KDELR3: variants seen among roughly 807,000 people sequenced by gnomAD.
KDELR3 encodes the protein KDEL endoplasmic reticulum protein retention receptor 3.
In KDELR3, 26 loss-of-function variants were observed where a neutral mutation model predicts 22.7. The ratio of observed to expected loss-of-function variants is 1.15; its 90% CI spans 0.84 to 1.59. KDELR3 has a LOEUF of 1.59. Ranked by LOEUF, KDELR3 falls within the 40% of genes most tolerant of loss-of-function variation. The pLI, the probability that KDELR3 is intolerant of heterozygous loss-of-function variation, is 0.00. For synonymous variants in KDELR3, 120 were observed against 98.2 expected, an observed-to-expected ratio of 1.22 and a Z score of -1.31; for missense variants, 289 against 251.1, an observed-to-expected ratio of 1.15 and a Z score of -1.02.
At chr22:38,468,835 G>A (rs374339920) in intron 1 of KDELR3, among the ~76,000 whole-genome samples, 28 of 152,350 alleles carry the variant, frequency 1.8e-4, no homozygotes, top group South Asian at 4.1e-4. Flanking sequence ...GGGCTCAGGC[G>A]GGTATGGAGC....
chr22:38,469,254 T>C (rs1336934223), intron 1 of KDELR3, among the ~76,000 whole-genome samples: 1 of 151,530 alleles, frequency 6.6e-6, no homozygotes, highest in Non-Finnish European at 1.5e-5. Context: ...CCGGGAAGGG[T>C]GGGCAGCCAG....
Position 38,468,306 on chromosome 22 carries a change from A to G in KDELR3, c.73A>G (p.Arg25Gly), listed in dbSNP as rs750481128. 12 of 1,613,562 alleles carry G rather than the reference A, an allele frequency of 7.4e-6. No individual in the cohort carries two copies. Among genetic ancestry groups the G allele is most frequent in the Non-Finnish European group, 1.0e-5 (12 of 1,179,866 alleles). Reference protein sequence around the residue: ...AMILLLGKIWRSKCCKGISGK... With the variant: ...AMILLLGKIWGSKCCKGISGK... ...GATCTTGCTGCTGGGGAAGATCTGG[A>G]GGTCCAAGTGCTGCAAGGGTGAGGG... Residue 25 changes from arginine to glycine, a missense_variant, in exon 1 of 5, where the codon AGG becomes GGG. By Grantham distance (125) the Arg-to-Gly change is moderately radical. Coordinates refer to ENST00000216014, the MANE Select transcript of KDELR3 (RefSeq NM_006855.4).
In KDELR3 at chr22:38,482,557, C is replaced by T. The variant is rs746512476; in HGVS notation, c.*21C>T. The T allele has an allele frequency of 3.3e-5, 53 of 1,598,806 alleles. No homozygotes were observed. Among genetic ancestry groups the T allele is most frequent in the Admixed American group, 1.2e-4 (7 of 59,914 alleles). On this transcript the variant is annotated 3_prime_UTR_variant, in exon 5 of 5. Coordinates refer to ENST00000216014, the MANE Select transcript of KDELR3 (RefSeq NM_006855.4). ...TCTGAGGACCTTCAGAGACAGTCTACGCCTTAACAAGCACATGAAGGAAAC... is the reference window on the plus strand; with the variant it reads ...TCTGAGGACCTTCAGAGACAGTCTATGCCTTAACAAGCACATGAAGGAAAC...
At chr22:38,476,020 C>T (rs961276065) in intron 2 of KDELR3, among the ~76,000 whole-genome samples, 1 of 152,024 alleles carries the variant, frequency 6.6e-6, no homozygotes, top group Non-Finnish European at 1.5e-5. Context: ...GCCTCAACTT[C>T]CCGGGCTGAA....
intron 3 of KDELR3, among the ~76,000 whole-genome samples, chr22:38,480,137 A>G (rs1253744278): frequency 6.6e-6 from 1 of 152,274 alleles, no homozygotes; most frequent in African/African-American, 2.4e-5. Context: ...GTTTATGGAC[A>G]TGACTAATTT....
chr22:38,475,079 CAAAAAA>C (rs1018109138), intron 2 of KDELR3, among the ~76,000 whole-genome samples: 2 of 20,458 alleles, frequency 9.8e-5, no homozygotes, highest in African/African-American at 2.7e-4. Context: ...GACTCTGTCT[CAAAAAA>C]AAAAAAAAAA....
rs1337088503 is a variant in KDELR3 at position 38,479,633 on chromosome 22, T to C, written c.233T>C (p.Ile78Thr). 1 of 1,614,010 alleles carries C rather than the reference T, an allele frequency of 6.2e-7. No individual in the cohort carries two copies. The highest frequency in any genetic ancestry group is 2.2e-5 in the East Asian group (1 of 44,888). Residue 78 changes from isoleucine (I) to threonine (T), a missense_variant, in exon 3 of 5, where the codon ATA (isoleucine) becomes ACA (threonine). Transcript: ENST00000216014. ...LLCAYVTVYM[I>T]YGKFRKTFDS... ...TGTGCCTATGTTACAGTGTACATGATATATGGGAAATTCCGTAAAACTTTT... is the reference window on the plus strand; with the variant it reads ...TGTGCCTATGTTACAGTGTACATGACATATGGGAAATTCCGTAAAACTTTT...
At chr22:38,473,305 T>C (rs925217007) in intron 1 of KDELR3, among the ~76,000 whole-genome samples, 2 of 152,010 alleles carry the variant, frequency 1.3e-5, no homozygotes, top group African/African-American at 2.4e-5. Flanking sequence ...GCCAGTCTGA[T>C]GGTTTGTGTC....
intron 4 of KDELR3, 120 bp downstream of exon 4, chr22:38,481,584 T>C: frequency 6.5e-7 from 1 of 1,538,350 alleles, no homozygotes; most frequent in Non-Finnish European, 8.7e-7. Context: ...AATGCTTGTG[T>C]TCTAATGCAA....
At chr22:38,474,727 T>A in intron 2 of KDELR3, 104 bp downstream of exon 2, 1 of 896,892 alleles carries the variant, frequency 1.1e-6, no homozygotes, top group Admixed American at 2.1e-5. Flanking sequence ...CGACCTGGGT[T>A]TGAATCCTGA....
chr22:38,482,708 A>C lies in KDELR3; in HGVS notation c.*172A>C. ...ACCCAGAAGACCTTCTCATCAATAGATCGCCCTTAAAGACCCATTGTAAGG... is the reference window on the plus strand; with the variant it reads ...ACCCAGAAGACCTTCTCATCAATAGCTCGCCCTTAAAGACCCATTGTAAGG... On this transcript the variant is annotated 3_prime_UTR_variant, in exon 5 of 5. Coordinates refer to ENST00000216014, the MANE Select transcript of KDELR3 (RefSeq NM_006855.4). 1 of 623,896 alleles carries C rather than the reference A, an allele frequency of 1.6e-6. No individual in the cohort carries two copies. The allele number at this position is 623,896 out of a possible 1,614,324, so 38.6% of individuals were successfully genotyped here.
intron 3 of KDELR3, among the ~76,000 whole-genome samples, chr22:38,480,780 G>T (rs2145970659): frequency 6.6e-6 from 1 of 151,632 alleles, no homozygotes; most frequent in East Asian, 1.9e-4. Context: ...AGTTATTTTT[G>T]GCTGGGTGTA....
At chr22:38,481,626 G>C (rs1203466134) in intron 4 of KDELR3, 162 bp downstream of exon 4, 1 of 1,475,714 alleles carries the variant, frequency 6.8e-7, no homozygotes, top group Non-Finnish European at 8.9e-7. Flanking sequence ...AGAAACAAAT[G>C]CCATAAAAAC....
chr22:38,471,983 T>A (rs2089528016), intron 1 of KDELR3, among the ~76,000 whole-genome samples: 1 of 148,574 alleles, frequency 6.7e-6, no homozygotes, highest in African/African-American at 2.5e-5. Context: ...GAAAAAAAAA[T>A]GTTCTCCCAC....
Position 38,468,216 on chromosome 22 carries a change from C to T in KDELR3, c.-18C>T. On this transcript the variant is annotated 5_prime_UTR_variant, in exon 1 of 5. The change creates a new upstream start codon in the 5' untranslated region. Transcript: ENST00000216014. ...TAGAAGTTTGCTGGGCGCGGGCGCA[C>T]GACTGACTGGCTGGACCATGAACGT... is the stretch of plus-strand genomic sequence containing the variant. The T allele has an allele frequency of 1.2e-6, 2 of 1,612,124 alleles. No individual in the cohort carries two copies. Among genetic ancestry groups the T allele is most frequent in the Non-Finnish European group, 1.7e-6 (2 of 1,178,536 alleles).
At chr22:38,482,052 T>C (rs1461514870) in intron 4 of KDELR3, among the ~76,000 whole-genome samples, 2 of 152,216 alleles carry the variant, frequency 1.3e-5, no homozygotes, top group African/African-American at 4.8e-5. Context: ...GGTAAGGGGC[T>C]TGCACTACAT....
chr22:38,469,035 T>C (rs1447440546), intron 1 of KDELR3, among the ~76,000 whole-genome samples: 1 of 152,244 alleles, frequency 6.6e-6, no homozygotes, highest in Non-Finnish European at 1.5e-5. Context: ...TCCCTGTGCC[T>C]GGCACTGGGT....
intron 1 of KDELR3, among the ~76,000 whole-genome samples, chr22:38,470,975 C>T (rs1214161327): frequency 6.6e-6 from 1 of 152,112 alleles, no homozygotes; most frequent in Non-Finnish European, 1.5e-5. Context: ...AACCCCGTCT[C>T]CACTAAAAAT....
At chr22:38,476,341 T>A (rs996464458) in intron 2 of KDELR3, among the ~76,000 whole-genome samples, 2 of 151,592 alleles carry the variant, frequency 1.3e-5, no homozygotes, top group African/African-American at 4.9e-5. Flanking sequence ...TGCCTCAGCC[T>A]CCCGAGTAGC....
Sources: gnomAD v4.1 joint callset for allele counts (sites outside exome capture counted in the v4.1 genomes callset) on GRCh38, gnomAD v4.1.1 for gene constraint, MANE v1.5 for transcripts, NCBI Gene and HGNC (gene_info 2026-07-23, HGNC 2026-07-21) for gene names.